Variants in SPMIP7 observed in about 807,000 individuals in gnomAD.
SPMIP7 encodes the protein protein SPMIP7.
At chr7:50,119,208 T>C in the SPMIP7 span, among the ~76,000 whole-genome samples, 1 of 152,074 alleles carries the variant, frequency 6.6e-6, no homozygotes, top group African/African-American at 2.4e-5. Flanking sequence ...GGCTTAAACC[T>C]TGGGTTCACA....
the SPMIP7 span, among the ~76,000 whole-genome samples, chr7:50,145,511 G>A: frequency 7.6e-5 from 11 of 143,920 alleles, no homozygotes; most frequent in South Asian, 2.0e-3. Context: ...AAAGAGTGTT[G>A]GGGTACTTTT....
At chr7:50,131,688 A>G in the SPMIP7 span, among the ~76,000 whole-genome samples, 5 of 152,176 alleles carry the variant, frequency 3.3e-5, no homozygotes, top group African/African-American at 9.6e-5. Flanking sequence ...CCTGGAAGGC[A>G]GATTGAGGAT....
the SPMIP7 span, among the ~76,000 whole-genome samples, chr7:50,100,793 CAG>C: frequency 2.0e-5 from 2 of 99,472 alleles, no homozygotes; most frequent in Admixed American, 2.4e-4. Context: ...GCCTTGGCGA[CAG>C]AGTGAGATGC....
At chr7:50,122,613 A>G in the SPMIP7 span, among the ~76,000 whole-genome samples, 9 of 149,224 alleles carry the variant, frequency 6.0e-5, no homozygotes, top group African/African-American at 2.0e-4. Context: ...AGAAACTACC[A>G]TCAGAGTGAA....
the SPMIP7 span, among the ~76,000 whole-genome samples, chr7:50,109,308 G>T: frequency 6.6e-6 from 1 of 152,064 alleles, no homozygotes; most frequent in Admixed American, 6.6e-5. Context: ...AGAATAATAA[G>T]AAATGTTTTC....
At chr7:50,155,782 C>A in the SPMIP7 span, among the ~76,000 whole-genome samples, 2 of 2,872 alleles carry the variant, frequency 7.0e-4, no homozygotes, top group Non-Finnish European at 1.6e-3. Flanking sequence ...GGGGTCCTCG[C>A]AATCCCTCTC....
At chr7:50,142,054 A>G in the SPMIP7 span, 1 of 152,064 alleles carries the variant, frequency 6.6e-6, no homozygotes, top group Non-Finnish European at 1.5e-5. Flanking sequence ...ACACATAGGA[A>G]CTTGAAGGCT....
the SPMIP7 span, chr7:50,129,863 T>C: frequency 6.4e-6 from 6 of 938,986 alleles, no homozygotes; most frequent in Non-Finnish European, 1.0e-5. Flanking sequence ...ACATCCTCTT[T>C]ATGTCTATAA....
the SPMIP7 span, among the ~76,000 whole-genome samples, chr7:50,128,245 A>G: frequency 6.6e-6 from 1 of 152,010 alleles, no homozygotes; most frequent in African/African-American, 2.4e-5. Flanking sequence ...TCACACTGAT[A>G]TACGAAAGCT....
the SPMIP7 span, chr7:50,134,281 C>G: frequency 6.8e-7 from 1 of 1,477,184 alleles, no homozygotes; most frequent in South Asian, 1.4e-5. Flanking sequence ...ATGTATTTCT[C>G]ATTGTTATTG....
chr7:50,133,906 T>A, the SPMIP7 span, among the ~76,000 whole-genome samples: 1 of 152,048 alleles, frequency 6.6e-6, no homozygotes. Context: ...GCATATAAAA[T>A]CACATAACAC....
At chr7:50,130,691 C>T in the SPMIP7 span, among the ~76,000 whole-genome samples, 15 of 151,756 alleles carry the variant, frequency 9.9e-5, no homozygotes, top group Admixed American at 2.0e-4. Flanking sequence ...GGGTAGCAGG[C>T]TTCAGTAATA....
At chr7:50,139,585 C>T in the SPMIP7 span, among the ~76,000 whole-genome samples, 1 of 152,096 alleles carries the variant, frequency 6.6e-6, no homozygotes, top group South Asian at 2.1e-4. Context: ...CATAGATCCA[C>T]TTAATTTGTT....
At chr7:50,121,049 T>C in the SPMIP7 span, among the ~76,000 whole-genome samples, 2 of 152,198 alleles carry the variant, frequency 1.3e-5, no homozygotes, top group Non-Finnish European at 2.9e-5. Flanking sequence ...TTAAGAATTA[T>C]AAATGCTCAT....
chr7:50,136,883 CACA>C, the SPMIP7 span, among the ~76,000 whole-genome samples: 1 of 152,098 alleles, frequency 6.6e-6, no homozygotes, highest in South Asian at 2.1e-4. Flanking sequence ...ATTTTATGTA[CACA>C]AAAATGTATA....
the SPMIP7 span, among the ~76,000 whole-genome samples, chr7:50,140,750 G>A: frequency 1.3e-5 from 2 of 152,180 alleles, no homozygotes; most frequent in Admixed American, 6.5e-5. Flanking sequence ...CTCATTACTC[G>A]GCCTCTTCAG....
At chr7:50,151,273 C>T in the SPMIP7 span, among the ~76,000 whole-genome samples, 1 of 152,176 alleles carries the variant, frequency 6.6e-6, no homozygotes, top group Non-Finnish European at 1.5e-5. Flanking sequence ...TCAGCACGCC[C>T]CAGGCCTGCA....
the SPMIP7 span, among the ~76,000 whole-genome samples, chr7:50,153,935 G>C: frequency 7.9e-5 from 12 of 152,154 alleles, no homozygotes; most frequent in Admixed American, 7.9e-4. Context: ...CCAATAGGAG[G>C]CTTTATCAAC....
chr7:50,101,537 A>C, the SPMIP7 span, among the ~76,000 whole-genome samples: 1 of 152,176 alleles, frequency 6.6e-6, no homozygotes, highest in East Asian at 1.9e-4. Context: ...CAAATAGTAG[A>C]TACTGAAACG....
Sources: allele counts gnomAD v4.1 joint callset (sites outside exome capture counted in the v4.1 genomes callset), GRCh38; gene constraint gnomAD v4.1.1; transcripts MANE v1.5; gene names NCBI Gene and HGNC (gene_info 2026-07-23, HGNC 2026-07-21).